LPAR5: variants seen among roughly 807,000 people sequenced by gnomAD.
LPAR5 encodes the protein G protein-coupled receptor 92.
For missense variants in LPAR5, 544 were observed against 521.8 expected (o/e 1.04, Z -0.41); for synonymous variants, 271 against 261.6 (o/e 1.04, Z -0.35).
In LPAR5 at chr12:6,621,190, G is replaced by A; in HGVS notation, c.59C>T (p.Pro20Leu). The A allele has an allele frequency of 6.4e-7, 1 of 1,556,952 alleles. No homozygotes were observed. Among genetic ancestry groups the A allele is most frequent in the East Asian group, 2.3e-5 (1 of 44,154 alleles). Reference sequence around the variant, plus strand: ...GACCACCAAGTGCAGGCGGTGGGTAGGTCGGTAGTCAGGACACGGGAGAAC... The same window carrying A: ...GACCACCAAGTGCAGGCGGTGGGTAAGTCGGTAGTCAGGACACGGGAGAAC... ...SSVLPCPDYR[P>L]THRLHLVVYS... Residue 20 changes from proline (P) to leucine (L), a missense_variant, in exon 2 of 2, where the codon CCT becomes CTT. By Grantham distance (98) the Pro-to-Leu change is moderately conservative. Transcript: ENST00000329858.
At chr12:6,629,894 G>A (rs1948970677) in intron 1 of LPAR5, among the ~76,000 whole-genome samples, 1 of 141,328 alleles carries the variant, frequency 7.1e-6, no homozygotes, top group South Asian at 2.3e-4. Context: ...GCATGGTGGC[G>A]GCATCTGTAA....
At chr12:6,627,903 T>A (rs1304518739) in intron 1 of LPAR5, among the ~76,000 whole-genome samples, 1 of 151,160 alleles carries the variant, frequency 6.6e-6, no homozygotes, top group Non-Finnish European at 1.5e-5. Context: ...TGTCCAAATG[T>A]ATAACTCAGT....
At chr12:6,625,441 GC>G (rs1948929310) in intron 1 of LPAR5, among the ~76,000 whole-genome samples, 1 of 144,248 alleles carries the variant, frequency 6.9e-6, no homozygotes, top group Non-Finnish European at 1.5e-5. Context: ...AAAAAAGAGG[GC>G]CGGGCGCGGT....
chr12:6,635,300 CATCT>C (rs1213227841), intron 1 of LPAR5, among the ~76,000 whole-genome samples: 4 of 152,098 alleles, frequency 2.6e-5, no homozygotes, highest in Admixed American at 6.5e-5. Flanking sequence ...CTGAAGCCAC[CATCT>C]ATCAGAGCCA....
At chr12:6,626,913 T>C (rs948183644) in intron 1 of LPAR5, among the ~76,000 whole-genome samples, 5 of 152,214 alleles carry the variant, frequency 3.3e-5, no homozygotes, top group African/African-American at 1.2e-4. Flanking sequence ...GCCCCTCCCA[T>C]TAGACTGTGA....
chr12:6,628,391 C>T (rs914264091), intron 1 of LPAR5, among the ~76,000 whole-genome samples: 4 of 152,154 alleles, frequency 2.6e-5, no homozygotes, highest in African/African-American at 7.2e-5. Context: ...ATACTAGACA[C>T]TGAATGAGTG....
chr12:6,622,224 G>A (rs1592297524), intron 1 of LPAR5, among the ~76,000 whole-genome samples: 1 of 151,586 alleles, frequency 6.6e-6, no homozygotes, highest in Non-Finnish European at 1.5e-5. Context: ...AGGAGTTCGA[G>A]ACCAGCTTGG....
At chr12:6,628,232 A>G (rs1050105723) in intron 1 of LPAR5, among the ~76,000 whole-genome samples, 1 of 152,046 alleles carries the variant, frequency 6.6e-6, no homozygotes, top group Non-Finnish European at 1.5e-5. Flanking sequence ...TGTATTAGCC[A>G]GGATGGTCTC....
chr12:6,623,737 A>C (rs1948912712), intron 1 of LPAR5, among the ~76,000 whole-genome samples: 1 of 152,170 alleles, frequency 6.6e-6, no homozygotes, highest in Non-Finnish European at 1.5e-5. Flanking sequence ...ATTCCATTGG[A>C]GGGAGACAGA....
chr12:6,620,508 G>A lies in LPAR5; in HGVS notation c.741C>T (p.Phe247=), dbSNP rs550346191. The A allele has an allele frequency of 1.9e-6, 3 of 1,585,098 alleles. No individual in the cohort carries two copies. In the African/African-American group the frequency reaches 4.0e-5, roughly 21 times the overall value. Residue 247 remains phenylalanine (F), a synonymous_variant, in exon 2 of 2, where the codon TTC becomes TTT. Coordinates refer to ENST00000329858, the MANE Select transcript of LPAR5 (RefSeq NM_020400.6). This position sits in a 1 kb window ranked among gnomAD's most constrained non-coding sequence, Gnocchi z 6.8. Reference sequence around the variant, plus strand: ...CCGCCAGCGTGCTGTTGTAGGGCACGAAGCACAGCAGGAAGATGACGAGGT... The same window carrying A: ...CCGCCAGCGTGCTGTTGTAGGGCACAAAGCACAGCAGGAAGATGACGAGGT... ...LANLVIFLLC[F]VPYNSTLAVY...
At chr12:6,622,633 C>A (rs1948905023) in intron 1 of LPAR5, among the ~76,000 whole-genome samples, 1 of 151,082 alleles carries the variant, frequency 6.6e-6, no homozygotes, top group South Asian at 2.1e-4. Context: ...CGCCTGTAAT[C>A]CCAGCTACTC....
chr12:6,619,771 G>C lies in LPAR5; in HGVS notation c.*359C>G. 2.5e-6 allele frequency: 1 copy of C among 398,652 alleles called. No homozygotes were observed. Among genetic ancestry groups the C allele is most frequent in the Non-Finnish European group, 4.8e-6 (1 of 206,530 alleles). The allele number at this position is 398,652 out of a possible 1,614,324, so 24.7% of individuals were successfully genotyped here. A position where few individuals can be genotyped will look rare whatever the true frequency, so the allele number is the denominator to read the frequency against. On this transcript the variant is annotated 3_prime_UTR_variant, in exon 2 of 2. Coordinates refer to ENST00000329858, the MANE Select transcript of LPAR5 (RefSeq NM_020400.6). Reference sequence around the variant, plus strand: ...TCTTCAGCTCTCAGGCCCCTGTGGCGGTTTAGATCCAGAATGCCCATTTTC... The same window carrying C: ...TCTTCAGCTCTCAGGCCCCTGTGGCCGTTTAGATCCAGAATGCCCATTTTC...
intron 1 of LPAR5, among the ~76,000 whole-genome samples, chr12:6,626,123 T>C (rs565981679): frequency 1.1e-4 from 17 of 152,100 alleles, no homozygotes; most frequent in African/African-American, 4.1e-4. Context: ...TACAAAAAAA[T>C]AGCCAGGCAT....
At chr12:6,635,102 A>AAAGG (rs199613821) in intron 1 of LPAR5, among the ~76,000 whole-genome samples, 1 of 146,196 alleles carries the variant, frequency 6.8e-6, no homozygotes, top group South Asian at 2.2e-4. Context: ...AAAAAAAAAG[A>AAAGG]AAGGAAGGAA....
In LPAR5 at chr12:6,619,720, G is replaced by A. The variant is rs1043129621; in HGVS notation, c.*410C>T. ...AGTCAGCAGATGAACAGGCATCTCA[G>A]TAGCTTTGTCCACCAAACCTGGTGC... On this transcript the variant is annotated 3_prime_UTR_variant, in exon 2 of 2. Coordinates refer to ENST00000329858, the MANE Select transcript of LPAR5 (RefSeq NM_020400.6). 3 of 364,064 alleles carry A rather than the reference G, an allele frequency of 8.2e-6. No homozygotes were observed. Among genetic ancestry groups the A allele is most frequent in the Non-Finnish European group, 1.6e-5 (3 of 186,360 alleles). The allele number at this position is 364,064 out of a possible 1,614,324, so 22.6% of individuals were successfully genotyped here.
At position 6,620,316 on chromosome 12, in the gene LPAR5, C is replaced by A. The variant is rs372067792; in HGVS notation, c.933G>T (p.Leu311=). ...AGGTCCTGGCCCGGTGCGGAGTGCC[C>A]AGGCCGCGCAGGGTGTTGCGGAAGC... ...AEGFRNTLRG[L]GTPHRARTSA... is the part of the protein sequence containing the mutation. The change falls in exon 2 of 2, where the codon CTG becomes CTT. Residue 311 remains leucine, a synonymous_variant. Coordinates refer to ENST00000329858, the MANE Select transcript of LPAR5 (RefSeq NM_020400.6). The surrounding 1 kb of genome is among the most constrained non-coding windows in gnomAD (Gnocchi z 6.8). The A allele has an allele frequency of 2.5e-6, 4 of 1,607,496 alleles. No individual in the cohort carries two copies. In the African/African-American group the frequency reaches 5.3e-5, roughly 21 times the overall value.
chr12:6,621,854 G>A (rs1290183183), intron 1 of LPAR5, among the ~76,000 whole-genome samples: 3 of 152,164 alleles, frequency 2.0e-5, no homozygotes, highest in African/African-American at 4.8e-5. Flanking sequence ...AGGGCCAGGT[G>A]CAGTGGCTCA....
At chr12:6,627,239 C>T (rs778187544) in intron 1 of LPAR5, among the ~76,000 whole-genome samples, 15 of 152,112 alleles carry the variant, frequency 9.9e-5, no homozygotes, top group Non-Finnish European at 1.6e-4. Context: ...TTGCAGTGAA[C>T]GAAGATCATG....
chr12:6,627,835 G>A (rs1041077229), intron 1 of LPAR5, among the ~76,000 whole-genome samples: 4 of 53,686 alleles, frequency 7.5e-5, no homozygotes, highest in South Asian at 1.2e-3. Context: ...CACCCATCCC[G>A]CCCCCAACTA....
Sources: allele counts gnomAD v4.1 joint callset (sites outside exome capture counted in the v4.1 genomes callset), GRCh38; gene constraint gnomAD v4.1.1; non-coding constraint Gnocchi (gnomAD v3.1); transcripts MANE v1.5; gene names NCBI Gene and HGNC (gene_info 2026-07-23, HGNC 2026-07-21).